Variants in CDKAL1 observed in about 807,000 individuals in gnomAD.
CDKAL1 encodes threonylcarbamoyladenosine tRNA methylthiotransferase.
In CDKAL1, 32 loss-of-function variants were observed where a neutral mutation model predicts 68.2. The observed-to-expected ratio is 0.47, with a 90% confidence interval of 0.35 to 0.63. The LOEUF (loss-of-function observed/expected upper bound fraction) is 0.63. Ranked by LOEUF, CDKAL1 falls within the 30% of genes least tolerant of loss-of-function variation. The probability of loss-of-function intolerance (pLI) is 0.00; values close to 1 mark genes in which losing one functional copy is unlikely to be tolerated. For synonymous variants in CDKAL1, 234 were observed against 244.3 expected, an observed-to-expected ratio of 0.96 and a Z score of 0.39; for missense variants, 606 against 696.7, an observed-to-expected ratio of 0.87 and a Z score of 1.47.
chr6:20,930,403 T>C (rs907378569), intron 9 of CDKAL1, among the ~76,000 whole-genome samples: 1 of 152,232 alleles, frequency 6.6e-6, no homozygotes, highest in African/African-American at 2.4e-5. Context: ...TTTCTGCATA[T>C]AGGTCTGAAC....
intron 8 of CDKAL1, among the ~76,000 whole-genome samples, chr6:20,814,047 C>T (rs1358508758): frequency 6.6e-6 from 1 of 151,908 alleles, no homozygotes; most frequent in Non-Finnish European, 1.5e-5. Context: ...ATTGAGTTTT[C>T]TCATTCATGA....
intron 8 of CDKAL1, among the ~76,000 whole-genome samples, chr6:20,833,347 A>G (rs936490109): frequency 2.0e-5 from 3 of 152,134 alleles, no homozygotes; most frequent in East Asian, 1.9e-4. Context: ...GCTCCCTAAC[A>G]TTCATACACA....
chr6:20,988,577 A>T (rs948153422), intron 10 of CDKAL1, among the ~76,000 whole-genome samples: 2 of 152,114 alleles, frequency 1.3e-5, no homozygotes, highest in Non-Finnish European at 2.9e-5. Flanking sequence ...AGTTTTCTCC[A>T]CTTCAGAACT....
At chr6:20,803,332 T>C (rs575700299) in intron 8 of CDKAL1, among the ~76,000 whole-genome samples, 16 of 152,278 alleles carry the variant, frequency 1.1e-4, no homozygotes, top group African/African-American at 3.6e-4. Flanking sequence ...TTCTGTAACA[T>C]GTGTTAATGC....
intron 10 of CDKAL1, among the ~76,000 whole-genome samples, chr6:20,995,991 A>C (rs1767086115): frequency 6.6e-6 from 1 of 152,206 alleles, no homozygotes; most frequent in African/African-American, 2.4e-5. Flanking sequence ...TACAGCTTCT[A>C]CTTCAGCACT....
chr6:20,730,860 A>AAG (rs1491302429), intron 5 of CDKAL1, among the ~76,000 whole-genome samples: 1 of 151,184 alleles, frequency 6.6e-6, no homozygotes, highest in Non-Finnish European at 1.5e-5. Flanking sequence ...AAAAAAAAAA[A>AAG]AGAGAGAAGG....
At chr6:21,203,215 ATTTTTTTTTTTTTTTTTTTT>A (rs371165972) in intron 15 of CDKAL1, among the ~76,000 whole-genome samples, 15 of 47,126 alleles carry the variant, frequency 3.2e-4, no homozygotes, top group African/African-American at 8.8e-4. Context: ...ATCCTGGCTA[ATTTTTTTTTTTTTTTTTTTT>A]TTTTTTTTTT....
chr6:20,614,396 A>C (rs1191542545), intron 4 of CDKAL1, among the ~76,000 whole-genome samples: 1 of 152,128 alleles, frequency 6.6e-6, no homozygotes, highest in Non-Finnish European at 1.5e-5. Flanking sequence ...TGATTTATGC[A>C]TCATTGATGG....
chr6:21,227,540 T>C (rs9368290), intron 15 of CDKAL1, among the ~76,000 whole-genome samples: 75,012 of 152,246 alleles, frequency 0.49, 19,590 homozygotes, highest in African/African-American at 0.67. Context: ...ACAGGATGCA[T>C]TTACCCTCTC....
At chr6:21,062,691 A>C (rs1184734370) in intron 11 of CDKAL1, among the ~76,000 whole-genome samples, 1 of 152,186 alleles carries the variant, frequency 6.6e-6, no homozygotes, top group Non-Finnish European at 1.5e-5. Flanking sequence ...TTAGGAACAA[A>C]ATATTTTAAA....
At chr6:20,829,085 A>G (rs1777612386) in intron 8 of CDKAL1, among the ~76,000 whole-genome samples, 1 of 152,150 alleles carries the variant, frequency 6.6e-6, no homozygotes. Flanking sequence ...ACATCTGTTG[A>G]TTGACATTTG....
intron 11 of CDKAL1, among the ~76,000 whole-genome samples, chr6:21,003,976 T>C (rs1561953465): frequency 6.6e-6 from 1 of 152,232 alleles, no homozygotes; most frequent in Non-Finnish European, 1.5e-5. Context: ...TTTGAAGCCT[T>C]TTTTGTAATG....
intron 13 of CDKAL1, among the ~76,000 whole-genome samples, chr6:21,195,033 C>T (rs1005845358): frequency 3.3e-5 from 5 of 152,098 alleles, no homozygotes; most frequent in Non-Finnish European, 7.4e-5. Flanking sequence ...CCTCCAACTC[C>T]CGGGCTCAAG....
chr6:21,089,588 A>G (rs996630362), intron 12 of CDKAL1, among the ~76,000 whole-genome samples: 1 of 152,176 alleles, frequency 6.6e-6, no homozygotes, highest in African/African-American at 2.4e-5. Flanking sequence ...AGGAGGTGAC[A>G]TCTAAGTTAA....
intron 12 of CDKAL1, among the ~76,000 whole-genome samples, chr6:21,096,904 G>A (rs1222905822): frequency 2.0e-5 from 3 of 152,214 alleles, no homozygotes; most frequent in African/African-American, 7.2e-5. Context: ...TTCTAAAATA[G>A]CAGTGTGAGA....
intron 3 of CDKAL1, among the ~76,000 whole-genome samples, chr6:20,547,402 A>G (rs1763650585): frequency 2.0e-5 from 3 of 152,284 alleles, no homozygotes; most frequent in Admixed American, 2.0e-4. Flanking sequence ...TATTTTGGAC[A>G]TTTGAATTTT....
intron 4 of CDKAL1, among the ~76,000 whole-genome samples, chr6:20,567,781 A>G (rs565831941): frequency 6.6e-6 from 1 of 151,164 alleles, no homozygotes; most frequent in South Asian, 2.1e-4. Context: ...TGGCATGATC[A>G]TAGCTCACTG....
intron 12 of CDKAL1, among the ~76,000 whole-genome samples, chr6:21,067,526 G>A (rs1438080681): frequency 6.6e-6 from 1 of 152,244 alleles, no homozygotes; most frequent in East Asian, 1.9e-4. Flanking sequence ...GCAGAAGAAT[G>A]GCGTGAACCT....
intron 9 of CDKAL1, among the ~76,000 whole-genome samples, chr6:20,850,665 T>G (rs1758957722): frequency 6.6e-6 from 1 of 152,116 alleles, no homozygotes; most frequent in Non-Finnish European, 1.5e-5. Flanking sequence ...CTTGAACTCC[T>G]GGCCTCAAGT....
Sources: gnomAD v4.1 joint callset for allele counts (sites outside exome capture counted in the v4.1 genomes callset) on GRCh38, gnomAD v4.1.1 for gene constraint, MANE v1.5 for transcripts, NCBI Gene and HGNC (gene_info 2026-07-23, HGNC 2026-07-21) for gene names.